CTNNA3: variants seen among roughly 807,000 people sequenced by gnomAD.
CTNNA3 encodes catenin alpha 3.
Under a neutral mutation model 95.7 loss-of-function variants are expected in CTNNA3, and 76 were observed. The observed-to-expected ratio is 0.79, with a 90% CI of 0.66 to 0.96. The LOEUF is 0.96. Among genes scored for constraint, CTNNA3 ranks in the 40% least tolerant of loss-of-function variants. The pLI is 0.00. For missense variants in CTNNA3, 1,191 were observed against 1,089.8 expected, an observed-to-expected ratio of 1.09 and a Z score of -1.31; for synonymous variants, 431 against 374.4, an observed-to-expected ratio of 1.15 and a Z score of -1.74.
At chr10:65,971,969 G>T (rs375368785) in intron 16 of CTNNA3, among the ~76,000 whole-genome samples, 1 of 152,080 alleles carries the variant, frequency 6.6e-6, no homozygotes, top group Non-Finnish European at 1.5e-5. Context: ...CTATGATCAA[G>T]TAGACTTAAT....
At chr10:66,945,084 C>T (rs1249461400) in intron 7 of CTNNA3, among the ~76,000 whole-genome samples, 2 of 152,112 alleles carry the variant, frequency 1.3e-5, no homozygotes, top group East Asian at 3.8e-4. Flanking sequence ...TCAGCAGCTG[C>T]ACTAGCCTCT....
At chr10:67,097,853 T>G in intron 7 of CTNNA3, 1 of 1,486,378 alleles carries the variant, frequency 6.7e-7, no homozygotes, top group Non-Finnish European at 9.4e-7. Context: ...AAGGACAAAA[T>G]GAGGAAGATG....
At chr10:66,893,195 C>A (rs939577334) in intron 7 of CTNNA3, among the ~76,000 whole-genome samples, 1 of 152,164 alleles carries the variant, frequency 6.6e-6, no homozygotes, top group Non-Finnish European at 1.5e-5. Context: ...AAAAGCATTA[C>A]AAAGCTCTCT....
In CTNNA3 at chr10:65,919,614, T is replaced by C. The variant is rs1458766445; in HGVS notation, c.*716A>G. The C allele has an allele frequency of 1.3e-5, 2 of 152,168 alleles. No homozygotes were observed. The highest frequency in any genetic ancestry group is 6.5e-5 in the Admixed American group (1 of 15,272). The allele number at this position is 152,168 out of a possible 1,614,324, so 9.4% of individuals were successfully genotyped here. A position where few individuals can be genotyped will look rare whatever the true frequency, so the allele number is the denominator to read the frequency against. On this transcript the variant is annotated 3_prime_UTR_variant, in exon 18 of 18. Transcript: ENST00000433211. ...CAAAAGTACAGAACTCTCTAACACA[T>C]TGGAAACCCAAAAGGTGAGTATGTG... is the stretch of plus-strand genomic sequence containing the variant.
At chr10:66,261,264 A>C (rs2090988810) in intron 13 of CTNNA3, among the ~76,000 whole-genome samples, 1 of 152,068 alleles carries the variant, frequency 6.6e-6, no homozygotes. Context: ...TCTTAAGTAA[A>C]TTCAGTACAT....
chr10:66,850,516 G>A (rs891455760), intron 7 of CTNNA3, among the ~76,000 whole-genome samples: 3 of 152,118 alleles, frequency 2.0e-5, no homozygotes, highest in African/African-American at 7.2e-5. Context: ...GCTAGGATGT[G>A]TTTTGTTAAC....
intron 11 of CTNNA3, among the ~76,000 whole-genome samples, chr10:66,411,181 AAAT>A (rs1408129412): frequency 3.9e-5 from 6 of 152,198 alleles, no homozygotes; most frequent in Non-Finnish European, 8.8e-5. Context: ...GGCCTTGAGT[AAAT>A]AATGTGTCCT....
chr10:66,860,074 A>G (rs929713843), intron 7 of CTNNA3, among the ~76,000 whole-genome samples: 4 of 143,666 alleles, frequency 2.8e-5, no homozygotes, highest in African/African-American at 1.0e-4. Flanking sequence ...CTAAATGATG[A>G]GTTAATGGGT....
intron 13 of CTNNA3, among the ~76,000 whole-genome samples, chr10:66,261,967 T>C (rs1189395344): frequency 6.6e-6 from 1 of 152,022 alleles, no homozygotes; most frequent in Non-Finnish European, 1.5e-5. Context: ...TTGAGGTTCC[T>C]TCCCATCTTC....
intron 5 of CTNNA3, among the ~76,000 whole-genome samples, chr10:67,441,921 T>C (rs563781130): frequency 6.6e-6 from 1 of 152,282 alleles, no homozygotes; most frequent in South Asian, 2.1e-4. Context: ...AATGTTGTAA[T>C]TGTGGTGTGT....
intron 7 of CTNNA3, among the ~76,000 whole-genome samples, chr10:66,938,822 T>C (rs1015661350): frequency 8.5e-5 from 13 of 152,182 alleles, no homozygotes; most frequent in Non-Finnish European, 1.6e-4. Context: ...CTACAAAAAA[T>C]TGAGACAAAG....
Position 65,920,192 on chromosome 10 carries a change from T to G in CTNNA3, c.*138A>C. ...CCCAAATATATATTGCTTTTGTTGA[T>G]TTAGCGCCCAATATTTTATGTTATT... On this transcript the variant is annotated 3_prime_UTR_variant, in exon 18 of 18. Transcript: ENST00000433211. 1 of 716,340 alleles carries G rather than the reference T, an allele frequency of 1.4e-6. No homozygotes were observed. The highest frequency in any genetic ancestry group is 1.8e-5 in the South Asian group (1 of 54,166). The allele number at this position is 716,340 out of a possible 1,614,324, so 44.4% of individuals were successfully genotyped here.
At chr10:66,506,134 CA>C (rs1386883439) in intron 11 of CTNNA3, among the ~76,000 whole-genome samples, 8 of 152,042 alleles carry the variant, frequency 5.3e-5, no homozygotes, top group Admixed American at 5.2e-4. Context: ...CCTGCCCTTG[CA>C]GGAATAAATA....
intron 5 of CTNNA3, among the ~76,000 whole-genome samples, chr10:67,271,405 T>C (rs1217379966): frequency 6.6e-6 from 1 of 152,150 alleles, no homozygotes; most frequent in African/African-American, 2.4e-5. Context: ...CCTGCCGCCC[T>C]GTGAAGAAGT....
intron 11 of CTNNA3, among the ~76,000 whole-genome samples, chr10:66,427,413 C>G (rs990318225): frequency 3.3e-5 from 5 of 151,966 alleles, no homozygotes; most frequent in Admixed American, 2.0e-4. Context: ...CCTAAGCTTC[C>G]TTACGGTTGG....
chr10:66,767,012 C>T (rs1181024839), intron 8 of CTNNA3, among the ~76,000 whole-genome samples: 1 of 151,930 alleles, frequency 6.6e-6, no homozygotes, highest in Non-Finnish European at 1.5e-5. Flanking sequence ...CATTCTGCTA[C>T]AATTAGTTCT....
intron 5 of CTNNA3, among the ~76,000 whole-genome samples, chr10:67,308,059 A>T (rs959752417): frequency 1.1e-4 from 17 of 152,200 alleles, no homozygotes; most frequent in African/African-American, 3.4e-4. Context: ...ATGTGTTCTC[A>T]TAAAACTCCA....
intron 5 of CTNNA3, among the ~76,000 whole-genome samples, chr10:67,379,289 G>A (rs373312706): frequency 1.1e-4 from 17 of 152,144 alleles, no homozygotes; most frequent in African/African-American, 3.6e-4. Flanking sequence ...CTAGCCCCCC[G>A]CTTGGACAAG....
intron 7 of CTNNA3, among the ~76,000 whole-genome samples, chr10:67,026,240 C>T (rs1442146540): frequency 6.6e-6 from 1 of 150,480 alleles, no homozygotes; most frequent in East Asian, 2.0e-4. Context: ...CACATGTACC[C>T]TAAAACTTAA....
Sources: gnomAD v4.1 joint callset for allele counts (sites outside exome capture counted in the v4.1 genomes callset) on GRCh38, gnomAD v4.1.1 for gene constraint, MANE v1.5 for transcripts, NCBI Gene and HGNC (gene_info 2026-07-23, HGNC 2026-07-21) for gene names.